CRACD: variants seen among roughly 807,000 people sequenced by gnomAD.
The protein encoded by CRACD is capping protein-inhibiting regulator of actin dynamics.
In CRACD, 56 loss-of-function variants were observed where a neutral mutation model predicts 106.8. The observed-to-expected ratio is 0.52, with a 90% CI of 0.42 to 0.66. The LOEUF is 0.66. CRACD is among the 30% of genes least tolerant of loss of function. CRACD has a pLI of 0.00. For missense variants in CRACD, 1,730 were observed against 1,623.2 expected (o/e 1.07, Z -1.13); for synonymous variants, 754 against 670.8 (o/e 1.12, Z -1.92).
intron 1 of CRACD, among the ~76,000 whole-genome samples, chr4:56,099,315 C>T (rs2109829367): frequency 6.6e-6 from 1 of 152,218 alleles, no homozygotes; most frequent in Non-Finnish European, 1.5e-5. Context: ...TTTCCTCTGA[C>T]TCCTTTATTT....
chr4:56,144,274 G>A (rs956483445), intron 1 of CRACD, among the ~76,000 whole-genome samples: 5 of 152,138 alleles, frequency 3.3e-5, no homozygotes, highest in African/African-American at 7.2e-5. Flanking sequence ...AGAACATGTC[G>A]TGGAGTTTGG....
At chr4:56,166,675 C>CAA (rs35537364) in intron 1 of CRACD, among the ~76,000 whole-genome samples, 34,583 of 92,348 alleles carry the variant, frequency 0.37, 7,018 homozygotes, top group Middle Eastern at 0.42. Context: ...CACTCTGTCT[C>CAA]AAAAAAAAAA....
chr4:56,208,431 G>A (rs879551653), intron 2 of CRACD, among the ~76,000 whole-genome samples: 1 of 152,200 alleles, frequency 6.6e-6, no homozygotes, highest in Non-Finnish European at 1.5e-5. Flanking sequence ...TTTACCTGGT[G>A]AAAATACACT....
At position 56,315,212 on chromosome 4, in the gene CRACD, C is replaced by A; in HGVS notation, c.1710C>A (p.Pro570=). 1 of 1,594,094 alleles carries A rather than the reference C, an allele frequency of 6.3e-7. No individual in the cohort carries two copies. ...AGGACACGGGGCTCACCGCTGCTCC[C>A]CAGGAACCAAAGGCCCCCAAAGCCA... is the stretch of plus-strand genomic sequence containing the variant. ...PAKDTGLTAA[P]QEPKAPKASP... Residue 570 remains proline, a synonymous_variant, in exon 8 of 11, where the codon CCC becomes CCA. Coordinates refer to ENST00000682029, the MANE Select transcript of CRACD (RefSeq NM_001393381.1). The surrounding 1 kb of genome is among the most constrained non-coding windows in gnomAD (Gnocchi z 4.1).
intron 1 of CRACD, among the ~76,000 whole-genome samples, chr4:56,148,286 A>C (rs1735465877): frequency 6.6e-6 from 1 of 151,678 alleles, no homozygotes; most frequent in African/African-American, 2.4e-5. Flanking sequence ...TTTTTTTAAA[A>C]AAAAAAAAAT....
At chr4:56,168,849 A>AT (rs1736249881) in intron 1 of CRACD, among the ~76,000 whole-genome samples, 2 of 152,150 alleles carry the variant, frequency 1.3e-5, no homozygotes. Flanking sequence ...TTCCCCCATC[A>AT]TACTACTGCT....
chr4:56,243,732 G>A (rs1366350961), intron 2 of CRACD, among the ~76,000 whole-genome samples: 1 of 152,106 alleles, frequency 6.6e-6, no homozygotes, highest in Non-Finnish European at 1.5e-5. Flanking sequence ...CATGGAGAAT[G>A]GGGTACCCAT....
intron 1 of CRACD, among the ~76,000 whole-genome samples, chr4:56,151,019 C>T (rs186566094): frequency 1.2e-4 from 19 of 152,184 alleles, no homozygotes; most frequent in Admixed American, 3.9e-4. Context: ...TTTTTAGAGA[C>T]GAAGTGTCGC....
At chr4:56,102,238 A>G (rs73817333) in intron 1 of CRACD, among the ~76,000 whole-genome samples, 1 of 152,038 alleles carries the variant, frequency 6.6e-6, no homozygotes, top group African/African-American at 2.4e-5. Flanking sequence ...CCTTGCCAGC[A>G]ATGATTTTTT....
At chr4:56,198,553 C>T (rs192056623) in intron 2 of CRACD, among the ~76,000 whole-genome samples, 5,047 of 152,246 alleles carry the variant, frequency 0.033, 119 homozygotes, top group Admixed American at 0.055. Context: ...GAAGTAGAAG[C>T]ATAAAACCCA....
chr4:56,279,744 C>T (rs529537246), intron 3 of CRACD, among the ~76,000 whole-genome samples: 291 of 152,258 alleles, frequency 1.9e-3, no homozygotes, highest in Middle Eastern at 6.8e-3. Context: ...GGCGATTCCT[C>T]AGGGATTTAG....
chr4:56,290,050 C>T (rs1743616738), intron 3 of CRACD, among the ~76,000 whole-genome samples: 1 of 152,166 alleles, frequency 6.6e-6, no homozygotes, highest in South Asian at 2.1e-4. Context: ...TGATACAGTA[C>T]ACTGCCTTTT....
intron 1 of CRACD, among the ~76,000 whole-genome samples, chr4:56,146,860 G>A (rs1363411346): frequency 3.3e-5 from 5 of 152,176 alleles, no homozygotes; most frequent in African/African-American, 1.2e-4. Context: ...GCAAGGTGTA[G>A]TAAAAGAAAA....
intron 3 of CRACD, among the ~76,000 whole-genome samples, chr4:56,297,022 C>T (rs1445237085): frequency 6.6e-6 from 1 of 151,778 alleles, no homozygotes; most frequent in East Asian, 1.9e-4. Context: ...CGGGTTCAAG[C>T]GATTCTCCCA....
chr4:56,201,940 A>G (rs1296637309), intron 2 of CRACD, among the ~76,000 whole-genome samples: 2 of 152,228 alleles, frequency 1.3e-5, no homozygotes, highest in Non-Finnish European at 2.9e-5. Context: ...CATATTTGCA[A>G]TAGTAAGAAG....
chr4:56,085,298 T>C (rs1733175301), intron 1 of CRACD, among the ~76,000 whole-genome samples: 1 of 152,188 alleles, frequency 6.6e-6, no homozygotes, highest in Admixed American at 6.5e-5. Context: ...ATTAGTAGAA[T>C]CTTTATTTTA....
intron 1 of CRACD, among the ~76,000 whole-genome samples, chr4:56,172,942 G>A (rs1241046557): frequency 6.6e-6 from 1 of 152,128 alleles, no homozygotes; most frequent in Non-Finnish European, 1.5e-5. Flanking sequence ...TTTTAGTAGA[G>A]ACGAGGTTTC....
chr4:56,314,581 G>A lies in CRACD; in HGVS notation c.1079G>A (p.Arg360Lys), dbSNP rs758708734. 2.0e-6 allele frequency: 3 copies of A among 1,518,960 alleles called. No individual in the cohort carries two copies. Among genetic ancestry groups the A allele is most frequent in the Non-Finnish European group, 2.6e-6 (3 of 1,134,456 alleles). 94.1% of individuals were successfully genotyped at this position (1,518,960 alleles called of 1,614,324 possible). A position where few individuals can be genotyped will look rare whatever the true frequency, so the allele number is the denominator to read the frequency against. The change falls in exon 8 of 11, where the codon AGG (arginine) becomes AAG (lysine). Residue 360 changes from arginine (R) to lysine (K), a missense_variant. Arg to Lys is a conservative substitution (Grantham distance 26, BLOSUM62 2). This residue lies in a region of CRACD where 1,620 missense variants were observed against 1,481.6 expected (regional missense o/e 1.09). Transcript: ENST00000682029. The surrounding 1 kb of genome is among the most constrained non-coding windows in gnomAD (Gnocchi z 4.4). ...GGAAGATGCGCGGAGGAGCTCAAAA[G>A]GCAGGAGGAGGAGGAGGCTGAGGGA... ...EEGRCAEELK[R>K]QEEEEAEGWE...
At chr4:56,167,385 A>G (rs1252762631) in intron 1 of CRACD, among the ~76,000 whole-genome samples, 1 of 152,236 alleles carries the variant, frequency 6.6e-6, no homozygotes, top group Non-Finnish European at 1.5e-5. Context: ...TGTATGGGCT[A>G]TAAAGTGGTG....
Sources: gnomAD v4.1 joint callset for allele counts (sites outside exome capture counted in the v4.1 genomes callset) on GRCh38, gnomAD v4.1.1 for gene constraint, gnomAD v4.1.1 regional missense constraint, Gnocchi (gnomAD v3.1) non-coding constraint, MANE v1.5 for transcripts, NCBI Gene and HGNC (gene_info 2026-07-23, HGNC 2026-07-21) for gene names.